EVA1C: variants seen among roughly 807,000 people sequenced by gnomAD.
EVA1C encodes the protein protein eva-1 homolog C.
A neutral mutation model predicts 45.4 loss-of-function variants in EVA1C; 25 were observed. That is an observed-to-expected ratio of 0.55 (90% confidence interval 0.40 to 0.77). The LOEUF (loss-of-function observed/expected upper bound fraction) is 0.77, where lower values mean the gene tolerates loss of function less well. Among genes scored for constraint, EVA1C ranks in the 30% least tolerant of loss-of-function variants. The pLI, the probability that EVA1C is intolerant of heterozygous loss-of-function variation, is 0.00. For synonymous variants in EVA1C, 190 were observed against 221.2 expected (o/e 0.86, Z 1.25); for missense variants, 479 against 554.8 (o/e 0.86, Z 1.37).
chr21:32,498,315 G>C (rs1411573027), intron 5 of EVA1C, among the ~76,000 whole-genome samples: 1 of 151,948 alleles, frequency 6.6e-6, no homozygotes, highest in East Asian at 1.9e-4. Flanking sequence ...GCATGATGGC[G>C]CATGCCTGTA....
intron 7 of EVA1C, among the ~76,000 whole-genome samples, chr21:32,507,304 G>A (rs1397643498): frequency 2.0e-5 from 3 of 152,226 alleles, no homozygotes; most frequent in Non-Finnish European, 4.4e-5. Flanking sequence ...ATGACTCTAA[G>A]GAAGCTCATA....
intron 1 of EVA1C, among the ~76,000 whole-genome samples, chr21:32,430,590 G>T (rs191660114): frequency 2.0e-3 from 310 of 152,270 alleles, no homozygotes; most frequent in African/African-American, 6.8e-3. Context: ...GAGGCCTCAT[G>T]ATTATAGCAG....
At chr21:32,479,434 A>T (rs1372396579) in intron 4 of EVA1C, among the ~76,000 whole-genome samples, 3 of 152,004 alleles carry the variant, frequency 2.0e-5, no homozygotes, top group Non-Finnish European at 4.4e-5. Context: ...GCCCTCCCCA[A>T]CCCCCCAGAA....
chr21:32,474,435 G>T lies in EVA1C; in HGVS notation c.634+6587G>T, dbSNP rs991305274. Reference sequence around the variant, plus strand: ...GCTCACCCCATATCTTGTGTGGCTGGCTTTGCCACACAAGACATCGACCCA... The same window carrying T: ...GCTCACCCCATATCTTGTGTGGCTGTCTTTGCCACACAAGACATCGACCCA... On this transcript the variant is annotated intron_variant, in intron 4 of 7. Transcript: ENST00000300255. This position sits in a 1 kb window ranked among gnomAD's most constrained non-coding sequence, Gnocchi z 4.4. Among the ~76,000 whole-genome samples, 1 of 152,152 alleles carries T rather than the reference G, an allele frequency of 6.6e-6. No homozygotes were observed. The highest frequency in any genetic ancestry group is 2.4e-5 in the African/African-American group (1 of 41,428).
intron 1 of EVA1C, among the ~76,000 whole-genome samples, chr21:32,439,025 C>T (rs1040446664): frequency 3.3e-5 from 5 of 151,826 alleles, no homozygotes; most frequent in South Asian, 2.1e-4. Context: ...CACTTGAAGT[C>T]GGGAGTTAGA....
intron 1 of EVA1C, among the ~76,000 whole-genome samples, chr21:32,438,539 A>G (rs983796625): frequency 2.7e-5 from 4 of 150,328 alleles, no homozygotes; most frequent in Non-Finnish European, 5.9e-5. Context: ...GCATTCATTT[A>G]TGGTATAAGA....
At position 32,464,396 on chromosome 21, in the gene EVA1C, C is replaced by T. The variant is rs191866539; in HGVS notation, c.482-3300C>T. ...GTCCTCATGGATGAAAGGATAGCAA[C>T]AAAGTTTGCCAGCAGCAGAGCTGGT... On this transcript the variant is annotated intron_variant, in intron 3 of 7. Coordinates refer to ENST00000300255, the MANE Select transcript of EVA1C (RefSeq NM_058187.5). Among the ~76,000 whole-genome samples, 96 of 152,312 alleles carry T rather than the reference C, an allele frequency of 6.3e-4. 1 individual carries two copies. The East Asian group carries it at 0.017, about 27-fold the overall frequency.
chr21:32,444,665 A>G (rs111400236), intron 1 of EVA1C, among the ~76,000 whole-genome samples: 62 of 152,310 alleles, frequency 4.1e-4, no homozygotes, highest in African/African-American at 1.4e-3. Flanking sequence ...ATCACTGGCC[A>G]TTAGTGACCA....
chr21:32,498,047 C>T (rs1462147206), intron 5 of EVA1C, among the ~76,000 whole-genome samples: 4 of 152,156 alleles, frequency 2.6e-5, no homozygotes, highest in Non-Finnish European at 4.4e-5. Context: ...CTTTCAGGGC[C>T]TGGGGGTCAC....
At chr21:32,424,117 A>T (rs570858637) in intron 1 of EVA1C, among the ~76,000 whole-genome samples, 3 of 152,218 alleles carry the variant, frequency 2.0e-5, no homozygotes, top group African/African-American at 7.2e-5. Flanking sequence ...GCAAAGGCCC[A>T]TGCGATGCGT....
intron 1 of EVA1C, among the ~76,000 whole-genome samples, chr21:32,446,170 G>C (rs1326248118): frequency 6.6e-6 from 1 of 152,134 alleles, no homozygotes; most frequent in Non-Finnish European, 1.5e-5. Flanking sequence ...TTGAACCTGG[G>C]AGGCGGAGGT....
intron 1 of EVA1C, among the ~76,000 whole-genome samples, chr21:32,448,563 T>G (rs2035448419): frequency 6.6e-6 from 1 of 152,064 alleles, no homozygotes; most frequent in South Asian, 2.1e-4. Flanking sequence ...TAAGGATTTT[T>G]TTTTCCTTTT....
chr21:32,495,120 G>A lies in EVA1C; in HGVS notation c.728G>A (p.Ser243Asn). The A allele has an allele frequency of 6.2e-7, 1 of 1,614,106 alleles. No individual in the cohort carries two copies. ...KIIVNNHHFG[S>N]PCLPGVKKYL... The stretch of plus-strand genomic sequence containing the variant: ...ATCGTCAACAATCACCATTTTGGAA[G>A]CCCCTGTTTGCCAGGCGTGAAAAAA... Residue 243 changes from serine to asparagine, a missense_variant, in exon 5 of 8, where the codon AGC becomes AAC. Physicochemically the swap from Ser to Asn is conservative, Grantham distance 46 (BLOSUM62 1). Around this residue, in one of 3 missense-constraint regions of EVA1C, gnomAD observed 366 missense variants for 426.1 expected, o/e 0.86. Transcript: ENST00000300255.
chr21:32,495,030 G>C lies in EVA1C; in HGVS notation c.638G>C (p.Cys213Ser). 6.2e-7 allele frequency: 1 copy of C among 1,613,576 alleles called. No homozygotes were observed. The highest frequency in any genetic ancestry group is 8.5e-7 in the Non-Finnish European group (1 of 1,179,840). ...CTGGGTGTTTCCTGCCTTTCAGATT[G>C]CTTGTCTTACTCAGCTTTGCAAGTC... ...SKAERLPPFD[C>S]LSYSALQVLS... is the part of the protein sequence containing the mutation. The change falls in exon 5 of 8, where the codon TGC (cysteine) becomes TCC (serine). Residue 213 changes from cysteine (C) to serine (S), a missense_variant. This residue lies in a region of EVA1C where 366 missense variants were observed against 426.1 expected (regional missense o/e 0.86). Transcript: ENST00000300255.
intron 1 of EVA1C, among the ~76,000 whole-genome samples, chr21:32,432,270 C>T (rs148067055): frequency 2.3e-4 from 35 of 151,904 alleles, no homozygotes; most frequent in African/African-American, 6.5e-4. Flanking sequence ...TGAAGGTGGG[C>T]GCAGGTTCAT....
At chr21:32,510,194 G>A (rs182979476) in intron 7 of EVA1C, among the ~76,000 whole-genome samples, 11 of 151,736 alleles carry the variant, frequency 7.2e-5, no homozygotes, top group African/African-American at 1.5e-4. Context: ...GACTACAGGC[G>A]CACGCCACCA....
intron 3 of EVA1C, among the ~76,000 whole-genome samples, chr21:32,458,780 C>T (rs1440956149): frequency 6.6e-6 from 1 of 152,082 alleles, no homozygotes; most frequent in African/African-American, 2.4e-5. Context: ...CACGCCTGGT[C>T]GAGTTAAGCA....
At chr21:32,492,327 C>T (rs149941073) in intron 4 of EVA1C, among the ~76,000 whole-genome samples, 21 of 151,868 alleles carry the variant, frequency 1.4e-4, no homozygotes, top group African/African-American at 4.3e-4. Flanking sequence ...GGATCAGTTT[C>T]GGGGTGTGTG....
chr21:32,411,824 C>G (rs2033836334), upstream of EVA1C, among the ~76,000 whole-genome samples: 1 of 152,218 alleles, frequency 6.6e-6, no homozygotes, highest in Non-Finnish European at 1.5e-5. Context: ...CGGCAAGCAG[C>G]CACGGAGCCC....
Sources: allele counts gnomAD v4.1 joint callset (sites outside exome capture counted in the v4.1 genomes callset), GRCh38; gene constraint gnomAD v4.1.1; regional missense constraint gnomAD v4.1.1; non-coding constraint Gnocchi (gnomAD v3.1); transcripts MANE v1.5; gene names NCBI Gene and HGNC (gene_info 2026-07-23, HGNC 2026-07-21).